FAM170A: variants seen among roughly 807,000 people sequenced by gnomAD.
FAM170A encodes the protein protein FAM170A.
In FAM170A, 28 loss-of-function variants were observed where a neutral mutation model predicts 36.6. The observed-to-expected ratio is 0.76, with a 90% CI of 0.57 to 1.05. The LOEUF is 1.05. Ranked by LOEUF, FAM170A falls within the 50% of genes least tolerant of loss-of-function variation. The pLI, the probability that FAM170A is intolerant of heterozygous loss-of-function variation, is 0.00. For synonymous variants in FAM170A, 156 were observed against 143.9 expected (o/e 1.08, Z -0.60); for missense variants, 434 against 396.5 (o/e 1.09, Z -0.80).
intron 1 of FAM170A, among the ~76,000 whole-genome samples, chr5:119,632,532 G>T (rs1486428315): frequency 6.6e-6 from 1 of 152,166 alleles, no homozygotes; most frequent in Non-Finnish European, 1.5e-5. Flanking sequence ...CGTACTCATA[G>T]TCACCACACA....
At chr5:119,633,301 C>T (rs1196661278) in intron 2 of FAM170A, among the ~76,000 whole-genome samples, 1 of 151,934 alleles carries the variant, frequency 6.6e-6, no homozygotes, top group Admixed American at 6.6e-5. Context: ...GGTGTCTGGG[C>T]AAGATGACAG....
intron 2 of FAM170A, 52 bp downstream of exon 2, chr5:119,632,940 T>A: frequency 1.3e-6 from 2 of 1,514,652 alleles, no homozygotes; most frequent in Non-Finnish European, 8.9e-7. Flanking sequence ...TGGGGTTCAT[T>A]GGGCATGAAA....
intron 1 of FAM170A, among the ~76,000 whole-genome samples, chr5:119,631,483 C>T (rs1054779813): frequency 6.6e-6 from 1 of 151,992 alleles, no homozygotes; most frequent in Non-Finnish European, 1.5e-5. Context: ...GCGGGGTGAA[C>T]TTCCTATCAC....
At chr5:119,631,312 G>A (rs1349996782) in intron 1 of FAM170A, among the ~76,000 whole-genome samples, 1 of 152,156 alleles carries the variant, frequency 6.6e-6, no homozygotes, top group Non-Finnish European at 1.5e-5. Context: ...TGGAGAGCAG[G>A]GGGCTGGGAC....
intron 2 of FAM170A, among the ~76,000 whole-genome samples, chr5:119,633,614 C>T (rs370018816): frequency 1.3e-5 from 2 of 152,066 alleles, no homozygotes; most frequent in African/African-American, 4.8e-5. Flanking sequence ...AAATGCATGA[C>T]CTGCAGTGCC....
At chr5:119,631,920 C>A (rs913772767) in intron 1 of FAM170A, among the ~76,000 whole-genome samples, 1 of 152,082 alleles carries the variant, frequency 6.6e-6, no homozygotes, top group Non-Finnish European at 1.5e-5. Flanking sequence ...TTAGGGTTGC[C>A]GGATAAAATA....
chr5:119,630,167 G>GTTTTTT (rs1561522978), intron 1 of FAM170A, among the ~76,000 whole-genome samples: 1 of 15,100 alleles, frequency 6.6e-5, no homozygotes, highest in Non-Finnish European at 1.4e-4. Context: ...TTTTTTTTTC[G>GTTTTTT]TTTCTGAGAC....
exon 3 of FAM170A, chr5:119,634,680 G>A: frequency 6.4e-7 from 1 of 1,567,504 alleles, no homozygotes; most frequent in Non-Finnish European, 8.6e-7. Flanking sequence ...CTTGGCCTGA[G>A]GAGATCCTGG....
chr5:119,635,507 C>G (rs1756362321), intron 4 of FAM170A, among the ~76,000 whole-genome samples, 193 bp from the exon 5 acceptor site: 1 of 152,188 alleles, frequency 6.6e-6, no homozygotes, highest in Non-Finnish European at 1.5e-5. Flanking sequence ...GTAACAACAT[C>G]ATCCTGATGA....
At chr5:119,630,650 A>T (rs1756229520) in intron 1 of FAM170A, among the ~76,000 whole-genome samples, 1 of 152,160 alleles carries the variant, frequency 6.6e-6, no homozygotes, top group Non-Finnish European at 1.5e-5. Flanking sequence ...TGGGCTGAGA[A>T]CTTTTGCTCT....
chr5:119,632,189 C>A (rs931050850), intron 1 of FAM170A, among the ~76,000 whole-genome samples: 1 of 152,148 alleles, frequency 6.6e-6, no homozygotes, highest in Admixed American at 6.5e-5. Flanking sequence ...TTATATATTT[C>A]TGCTTAATGT....
At chr5:119,634,139 A>G (rs1013117692) in exon 3 of FAM170A, 10 of 1,613,974 alleles carry the variant, frequency 6.2e-6, no homozygotes, top group Middle Eastern at 1.6e-4. Flanking sequence ...AATATACTAC[A>G]TGCAGGTACA....
At chr5:119,634,699 T>G in exon 3 of FAM170A, 1 of 1,554,078 alleles carries the variant, frequency 6.4e-7, no homozygotes, top group Non-Finnish European at 8.7e-7. Flanking sequence ...GGAGCCAATG[T>G]CCAGGCTGTG....
At chr5:119,635,248 A>G (rs1756357006) in intron 4 of FAM170A, among the ~76,000 whole-genome samples, 162 bp downstream of exon 4, 2 of 152,224 alleles carry the variant, frequency 1.3e-5, no homozygotes, top group South Asian at 4.1e-4. Flanking sequence ...CCATTTGCTT[A>G]GATGACAAGG....
At chr5:119,633,368 G>C (rs953888111) in intron 2 of FAM170A, among the ~76,000 whole-genome samples, 2 of 152,106 alleles carry the variant, frequency 1.3e-5, no homozygotes, top group African/African-American at 4.8e-5. Flanking sequence ...GCCCTGGTGT[G>C]CAGTCAGGCA....
chr5:119,631,935 A>G (rs1358521071), intron 1 of FAM170A, among the ~76,000 whole-genome samples: 1 of 152,168 alleles, frequency 6.6e-6, no homozygotes, highest in Non-Finnish European at 1.5e-5. Flanking sequence ...AAAATACAGG[A>G]TGTTCAGTTA....
chr5:119,630,764 T>C (rs1462126148), intron 1 of FAM170A, among the ~76,000 whole-genome samples: 2 of 152,198 alleles, frequency 1.3e-5, no homozygotes, highest in Admixed American at 1.3e-4. Flanking sequence ...TCGTATTCTC[T>C]TTATTTGCTC....
intron 3 of FAM170A, 32 bp from the exon 4 acceptor site, chr5:119,634,996 A>G (rs1268225962): frequency 6.2e-7 from 1 of 1,613,490 alleles, no homozygotes; most frequent in East Asian, 2.2e-5. Flanking sequence ...ATTAACTAAG[A>G]AGTGTCTTTC....
intron 2 of FAM170A, among the ~76,000 whole-genome samples, chr5:119,633,117 G>A (rs1176746480): frequency 6.6e-6 from 1 of 152,104 alleles, no homozygotes; most frequent in African/African-American, 2.4e-5. Context: ...GAGGTTCCTT[G>A]AGCATGAGAC....
Sources: allele counts gnomAD v4.1 joint callset (sites outside exome capture counted in the v4.1 genomes callset), GRCh38; gene constraint gnomAD v4.1.1; transcripts MANE v1.5; gene names NCBI Gene and HGNC (gene_info 2026-07-23, HGNC 2026-07-21).